The following TPD52L1 variants were observed in gnomAD, a reference collection of about 807,000 sequenced individuals.
The protein encoded by TPD52L1 is TPD52 like 1, also known as tumor protein D53.
Under a neutral mutation model 28.7 loss-of-function variants are expected in TPD52L1, and 18 were observed. The ratio of observed to expected loss-of-function variants is 0.63; its 90% CI spans 0.43 to 0.93. TPD52L1 has a LOEUF of 0.93. TPD52L1 is among the 40% of genes least tolerant of loss of function. The pLI is 0.00. For synonymous variants in TPD52L1, 75 were observed against 88.8 expected (o/e 0.84, Z 0.88); for missense variants, 203 against 254.8 (o/e 0.80, Z 1.39).
At chr6:125,257,062 C>G (rs556787358) in intron 5 of TPD52L1, 36 bp from the exon 6 acceptor site, 6 of 1,581,742 alleles carry the variant, frequency 3.8e-6, no homozygotes, top group South Asian at 2.3e-5. Flanking sequence ...GACAGCTAGG[C>G]CTTTGGAGCT....
intron 1 of TPD52L1, among the ~76,000 whole-genome samples, chr6:125,194,059 G>A (rs577027878): frequency 6.7e-5 from 10 of 148,812 alleles, no homozygotes; most frequent in East Asian, 2.0e-4. Flanking sequence ...AAAACAAAAG[G>A]CTGATAAAAG....
At chr6:125,261,014 GAAAGA>G (rs1562411822) in intron 6 of TPD52L1, 12 of 43,046 alleles carry the variant, frequency 2.8e-4, no homozygotes, top group African/African-American at 1.3e-3. Context: ...AAGAAAGAAA[GAAAGA>G]AAAGAAAAGA....
At chr6:125,252,937 A>G (rs1797366631) in intron 4 of TPD52L1, 1 of 152,210 alleles carries the variant, frequency 6.6e-6, no homozygotes, top group Non-Finnish European at 1.5e-5. Context: ...GACGCTGTTG[A>G]AAAGTGTGAG....
intron 1 of TPD52L1, among the ~76,000 whole-genome samples, chr6:125,215,190 C>A (rs1794780504): frequency 6.6e-6 from 1 of 152,028 alleles, no homozygotes; most frequent in Non-Finnish European, 1.5e-5. Context: ...TATTTTATTG[C>A]CCTTCTTGCA....
chr6:125,166,009 G>A (rs1338133090), intron 1 of TPD52L1, among the ~76,000 whole-genome samples: 1 of 152,130 alleles, frequency 6.6e-6, no homozygotes, highest in Non-Finnish European at 1.5e-5. Context: ...TTAGATGTTG[G>A]CTGAAAGGAC....
At chr6:125,175,379 A>T (rs1373631736) in intron 1 of TPD52L1, among the ~76,000 whole-genome samples, 4 of 152,206 alleles carry the variant, frequency 2.6e-5, no homozygotes, top group Non-Finnish European at 5.9e-5. Context: ...ATTATTTTAA[A>T]AGCTCCTAAA....
intron 1 of TPD52L1, among the ~76,000 whole-genome samples, chr6:125,193,764 G>GC (rs891473035): frequency 5.3e-5 from 8 of 152,060 alleles, no homozygotes; most frequent in African/African-American, 1.9e-4. Context: ...CCCAATTCCA[G>GC]CATCAGTGTT....
intron 1 of TPD52L1, among the ~76,000 whole-genome samples, chr6:125,170,135 C>T (rs1791193096): frequency 6.6e-6 from 1 of 152,094 alleles, no homozygotes; most frequent in Non-Finnish European, 1.5e-5. Context: ...CAAGTTTCTG[C>T]ACAACACGTA....
chr6:125,260,936 GAA>G (rs71742227), intron 6 of TPD52L1: 4 of 79,326 alleles, frequency 5.0e-5, no homozygotes, highest in African/African-American at 1.5e-4. Context: ...AAGAAAGAAA[GAA>G]AGAAAGAAAG....
chr6:125,163,757 C>G (rs1790684134), intron 1 of TPD52L1, among the ~76,000 whole-genome samples: 1 of 150,690 alleles, frequency 6.6e-6, no homozygotes, highest in Non-Finnish European at 1.5e-5. Flanking sequence ...GAAACCCCCT[C>G]TCTACTAAAA....
chr6:125,177,029 C>T (rs957711571), intron 1 of TPD52L1, among the ~76,000 whole-genome samples: 2 of 152,060 alleles, frequency 1.3e-5, no homozygotes, highest in Non-Finnish European at 2.9e-5. Flanking sequence ...CAGAGCCAGA[C>T]CTTGTCTCAT....
chr6:125,194,996 T>C (rs930251876), intron 1 of TPD52L1, among the ~76,000 whole-genome samples: 2 of 152,210 alleles, frequency 1.3e-5, no homozygotes, highest in African/African-American at 4.8e-5. Context: ...TTCATTTATA[T>C]ATAGTCAGAG....
Position 125,193,499 on chromosome 6 carries a change from C to T in TPD52L1, c.20-26579C>T, listed in dbSNP as rs78160268. Among the ~76,000 whole-genome samples, 652 of 152,182 alleles carry T rather than the reference C, an allele frequency of 4.3e-3. 8 individuals carry two copies. Among genetic ancestry groups the T allele is most frequent in the African/African-American group, 0.015 (615 of 41,526 alleles). ...GAATGGTTGCAAAAGTCCCAAGCAG[C>T]TTTTCTGTGAATTATTGCCTTTGGT... On this transcript the variant is annotated intron_variant, in intron 1 of 6. Coordinates refer to ENST00000534000, the MANE Select transcript of TPD52L1 (RefSeq NM_003287.4).
At chr6:125,253,788 A>G in intron 5 of TPD52L1, 33 bp downstream of exon 5, 1 of 1,548,984 alleles carries the variant, frequency 6.5e-7, no homozygotes. Context: ...TGTAATATTA[A>G]TATGAAATGT....
chr6:125,179,928 C>T (rs80216357), intron 1 of TPD52L1, among the ~76,000 whole-genome samples: 1 of 152,114 alleles, frequency 6.6e-6, no homozygotes, highest in Non-Finnish European at 1.5e-5. Context: ...CTGTGTTGCT[C>T]TGGGGAGCAT....
At chr6:125,242,261 A>G (rs1265388978) in intron 3 of TPD52L1, among the ~76,000 whole-genome samples, 1 of 152,040 alleles carries the variant, frequency 6.6e-6, no homozygotes, top group Admixed American at 6.6e-5. Flanking sequence ...AAGAGTGTAT[A>G]CTGCAATTGT....
At chr6:125,206,082 A>G (rs576960011) in intron 1 of TPD52L1, among the ~76,000 whole-genome samples, 1 of 152,326 alleles carries the variant, frequency 6.6e-6, no homozygotes, top group South Asian at 2.1e-4. Context: ...TAGTCAACTG[A>G]TTAGTACATT....
At chr6:125,166,380 G>A (rs1790902202) in intron 1 of TPD52L1, among the ~76,000 whole-genome samples, 1 of 152,120 alleles carries the variant, frequency 6.6e-6, no homozygotes, top group Non-Finnish European at 1.5e-5. Context: ...TTCCTGAAGG[G>A]TTAGGTCAGC....
rs778859737 is a variant in TPD52L1 at position 125,229,295 on chromosome 6, A to G, written c.284+29A>G. 37 of 1,581,532 alleles carry G rather than the reference A, an allele frequency of 2.3e-5. 1 individual carries two copies. In the South Asian group the frequency reaches 3.0e-4, roughly 13 times the overall value. On this transcript the variant is annotated intron_variant, in intron 3 of 6. Coordinates refer to ENST00000534000, the MANE Select transcript of TPD52L1 (RefSeq NM_003287.4). Reference sequence around the variant, plus strand: ...AGTATCATATGAACAGTGTTTTATTAACTCAGCCTGATGTCTCCTCACTCT... The same window carrying G: ...AGTATCATATGAACAGTGTTTTATTGACTCAGCCTGATGTCTCCTCACTCT...
Sources: gnomAD v4.1 joint callset for allele counts (sites outside exome capture counted in the v4.1 genomes callset) on GRCh38, gnomAD v4.1.1 for gene constraint, MANE v1.5 for transcripts, NCBI Gene and HGNC (gene_info 2026-07-23, HGNC 2026-07-21) for gene names.